The following TMEM132D variants were observed in gnomAD, a reference collection of about 807,000 sequenced individuals.
TMEM132D encodes transmembrane protein 132D.
A neutral mutation model predicts 62.3 loss-of-function variants in TMEM132D; 21 were observed. The ratio of observed to expected loss-of-function variants is 0.34; its 90% confidence interval spans 0.24 to 0.49. The LOEUF is 0.49. Ranked by LOEUF, TMEM132D falls within the 20% of genes least tolerant of loss-of-function variation. The pLI, the probability that TMEM132D is intolerant of heterozygous loss-of-function variation, is 0.99. For synonymous variants in TMEM132D, 621 were observed against 575.6 expected, an observed-to-expected ratio of 1.08 and a Z score of -1.13; for missense variants, 1,346 against 1,402.8, an observed-to-expected ratio of 0.96 and a Z score of 0.65.
chr12:129,703,924 C>CAAAA (rs67547532), intron 1 of TMEM132D, among the ~76,000 whole-genome samples: 17 of 140,970 alleles, frequency 1.2e-4, no homozygotes, highest in South Asian at 4.5e-4. Flanking sequence ...CGGTAATAGG[C>CAAAA]AAAAAAAAAA....
chr12:129,743,958 T>C (rs1454488575), intron 1 of TMEM132D, among the ~76,000 whole-genome samples: 5 of 151,948 alleles, frequency 3.3e-5, no homozygotes, highest in Non-Finnish European at 5.9e-5. Flanking sequence ...CAAAAAAGCG[T>C]GTGCTGTTTC....
chr12:129,880,154 A>T (rs2137384900), intron 1 of TMEM132D, among the ~76,000 whole-genome samples: 1 of 152,334 alleles, frequency 6.6e-6, no homozygotes, highest in Admixed American at 6.5e-5. Context: ...CAACAAAGAA[A>T]AGAATTTCAG....
At chr12:129,691,938 A>G (rs1250119535) in intron 2 of TMEM132D, among the ~76,000 whole-genome samples, 1 of 152,082 alleles carries the variant, frequency 6.6e-6, no homozygotes, top group African/African-American at 2.4e-5. Context: ...GAATAGCCCT[A>G]TCTATTAAAG....
chr12:129,764,230 TAAG>T (rs1405122024), intron 1 of TMEM132D, among the ~76,000 whole-genome samples: 2 of 152,176 alleles, frequency 1.3e-5, no homozygotes, highest in Non-Finnish European at 2.9e-5. Context: ...TCTTGCCTCA[TAAG>T]AAGTGTGTGA....
At chr12:129,238,554 C>T (rs952514480) in intron 4 of TMEM132D, among the ~76,000 whole-genome samples, 16 of 152,192 alleles carry the variant, frequency 1.1e-4, no homozygotes, top group South Asian at 6.2e-4. Context: ...ACTCTAGGTA[C>T]CTCATATAAG....
At chr12:129,651,222 A>C (rs867970177) in intron 2 of TMEM132D, among the ~76,000 whole-genome samples, 8 of 152,186 alleles carry the variant, frequency 5.3e-5, no homozygotes, top group Non-Finnish European at 1.2e-4. Context: ...TGATGCAAAA[A>C]ACACAGATTT....
chr12:129,663,813 C>T (rs534572209), intron 2 of TMEM132D, among the ~76,000 whole-genome samples: 12 of 152,170 alleles, frequency 7.9e-5, no homozygotes, highest in African/African-American at 1.2e-4. Context: ...CCACAAAATA[C>T]GCTGCTTTGC....
chr12:129,104,498 T>C (rs1252889205), intron 5 of TMEM132D, among the ~76,000 whole-genome samples: 1 of 152,154 alleles, frequency 6.6e-6, no homozygotes. Flanking sequence ...ACTTCATGTC[T>C]AAAACACCAA....
At chr12:129,340,949 C>T (rs1339968390) in intron 3 of TMEM132D, among the ~76,000 whole-genome samples, 1 of 152,122 alleles carries the variant, frequency 6.6e-6, no homozygotes. Context: ...ATGAGTTCCC[C>T]AATAGTTCAT....
At chr12:129,304,265 A>G (rs1881789819) in intron 4 of TMEM132D, among the ~76,000 whole-genome samples, 1 of 152,130 alleles carries the variant, frequency 6.6e-6, no homozygotes, top group South Asian at 2.1e-4. Context: ...TGCAAAGACC[A>G]GGTCATGGCC....
intron 2 of TMEM132D, among the ~76,000 whole-genome samples, chr12:129,680,629 A>G (rs2137207926): frequency 6.6e-6 from 1 of 152,324 alleles, no homozygotes; most frequent in South Asian, 2.1e-4. Flanking sequence ...TCAAACTGTT[A>G]TACCCTCATA....
intron 4 of TMEM132D, among the ~76,000 whole-genome samples, chr12:129,213,310 C>T (rs1565999553): frequency 1.3e-5 from 2 of 152,182 alleles, no homozygotes; most frequent in East Asian, 1.9e-4. Context: ...CTGGGCAATA[C>T]AGTGAGACCC....
chr12:129,615,572 G>C (rs1411369629), intron 2 of TMEM132D, among the ~76,000 whole-genome samples: 1 of 143,668 alleles, frequency 7.0e-6, no homozygotes. Context: ...GCAATATAGT[G>C]AGACCCCATC....
At chr12:129,080,912 G>A (rs1025891246) in intron 7 of TMEM132D, among the ~76,000 whole-genome samples, 3 of 152,146 alleles carry the variant, frequency 2.0e-5, no homozygotes, top group African/African-American at 4.8e-5. Flanking sequence ...TCCGTCACCC[G>A]CTCCCCAGCA....
intron 1 of TMEM132D, among the ~76,000 whole-genome samples, chr12:129,844,410 C>G (rs947681989): frequency 1.1e-4 from 16 of 152,114 alleles, no homozygotes; most frequent in Non-Finnish European, 2.1e-4. Context: ...ATGCCTACCC[C>G]CTCCACTCTC....
intron 5 of TMEM132D, among the ~76,000 whole-genome samples, chr12:129,168,253 T>A (rs1593283478): frequency 1.8e-5 from 1 of 54,738 alleles, no homozygotes; most frequent in Middle Eastern, 8.8e-3. Context: ...CTTTTGGGAT[T>A]TTTTTTTTAC....
At position 129,903,313 on chromosome 12, in the gene TMEM132D, C is replaced by T; in HGVS notation, c.27G>A (p.Leu9=). 1 of 1,554,302 alleles carries T rather than the reference C, an allele frequency of 6.4e-7. No homozygotes were observed. The change falls in exon 1 of 9, where the codon CTG becomes CTA. Residue 9 remains leucine (L), a synonymous_variant. Coordinates refer to ENST00000422113, the MANE Select transcript of TMEM132D (RefSeq NM_133448.3). This position sits in a 1 kb window ranked among gnomAD's most constrained non-coding sequence, Gnocchi z 6.2. The part of the protein sequence containing the change: MCPSEMGT[L]WHHWSPVLIS... Reference sequence around the variant, plus strand: ...TGAGTACCGGCGACCAGTGGTGCCACAGCGTCCCCATCTCAGACGGGCACA... The same window carrying T: ...TGAGTACCGGCGACCAGTGGTGCCATAGCGTCCCCATCTCAGACGGGCACA...
chr12:129,077,700 CAT>C (rs962091496), intron 8 of TMEM132D, among the ~76,000 whole-genome samples: 5 of 152,192 alleles, frequency 3.3e-5, no homozygotes, highest in East Asian at 1.9e-4. Context: ...AACACACACA[CAT>C]ATGCACACAT....
intron 1 of TMEM132D, among the ~76,000 whole-genome samples, chr12:129,747,226 T>TCCTCCC (rs1869824047): frequency 7.2e-5 from 1 of 13,904 alleles, no homozygotes; most frequent in Admixed American, 8.4e-4. Context: ...CCAGCCACCC[T>TCCTCCC]GTCCTCTTCA....
Sources: gnomAD v4.1 joint callset for allele counts (sites outside exome capture counted in the v4.1 genomes callset) on GRCh38, gnomAD v4.1.1 for gene constraint, Gnocchi (gnomAD v3.1) non-coding constraint, MANE v1.5 for transcripts, NCBI Gene and HGNC (gene_info 2026-07-23, HGNC 2026-07-21) for gene names.